The following CAMTA1 variants were observed in gnomAD, a reference collection of about 807,000 sequenced individuals.
CAMTA1 encodes the protein calmodulin binding transcription activator 1.
CAMTA1 carries 27 observed loss-of-function variants against 170.9 expected under a neutral mutation model. That is an observed-to-expected ratio of 0.16 (90% CI 0.12 to 0.22). The LOEUF (loss-of-function observed/expected upper bound fraction) is 0.22, where lower values mean the gene tolerates loss of function less well. CAMTA1 is among the 10% of genes least tolerant of loss of function. The probability of loss-of-function intolerance (pLI) is 1.00; values close to 1 mark genes in which losing one functional copy is unlikely to be tolerated. For synonymous variants in CAMTA1, 833 were observed against 891.5 expected (o/e 0.93, Z 1.17); for missense variants, 1,619 against 2,217.2 (o/e 0.73, Z 5.42).
intron 3 of CAMTA1, among the ~76,000 whole-genome samples, chr1:6,870,132 C>T (rs1392286587): frequency 6.6e-6 from 1 of 152,110 alleles, no homozygotes; most frequent in East Asian, 1.9e-4. Flanking sequence ...TTACACTACT[C>T]GCTTCTTGTT....
chr1:7,003,586 CT>C (rs1166839593), intron 3 of CAMTA1, among the ~76,000 whole-genome samples: 16 of 151,688 alleles, frequency 1.1e-4, no homozygotes, highest in Non-Finnish European at 2.4e-4. Flanking sequence ...AGCTCCTGGA[CT>C]TTATTATTAT....
chr1:7,283,763 T>G (rs900192167), intron 5 of CAMTA1, among the ~76,000 whole-genome samples: 9 of 152,134 alleles, frequency 5.9e-5, no homozygotes, highest in African/African-American at 2.2e-4. Flanking sequence ...AAATCCAACC[T>G]TTTCCTCTAT....
At chr1:6,888,495 G>T (rs1278166657) in intron 3 of CAMTA1, among the ~76,000 whole-genome samples, 1 of 152,154 alleles carries the variant, frequency 6.6e-6, no homozygotes, top group Non-Finnish European at 1.5e-5. Flanking sequence ...CTGTAATATC[G>T]ACATCTAGTG....
intron 5 of CAMTA1, among the ~76,000 whole-genome samples, chr1:7,264,859 C>T (rs1452218232): frequency 1.3e-5 from 2 of 152,148 alleles, no homozygotes; most frequent in Non-Finnish European, 2.9e-5. Flanking sequence ...TGACAGATCC[C>T]CTTAGGAGTA....
At chr1:7,749,819 AACCATTCC>A (rs2096883151) in intron 19 of CAMTA1, 3 of 456,020 alleles carry the variant, frequency 6.6e-6, no homozygotes, top group Non-Finnish European at 1.3e-5. Context: ...CCCTCTCACA[AACCATTCC>A]ACCAGAGTCA....
chr1:7,745,773 C>G, intron 17 of CAMTA1, 72 bp from the exon 18 acceptor site: 1 of 1,580,156 alleles, frequency 6.3e-7, no homozygotes, highest in Non-Finnish European at 8.7e-7. Context: ...CATCTTGGCT[C>G]ATTCATTAAT....
intron 9 of CAMTA1, among the ~76,000 whole-genome samples, chr1:7,668,166 C>T (rs1251899532): frequency 1.3e-5 from 2 of 152,302 alleles, no homozygotes; most frequent in East Asian, 1.9e-4. Context: ...TACAGGCAGG[C>T]TCGTCGGCCT....
intron 5 of CAMTA1, among the ~76,000 whole-genome samples, chr1:7,460,368 G>A (rs987106245): frequency 6.6e-6 from 1 of 152,192 alleles, no homozygotes; most frequent in Non-Finnish European, 1.5e-5. Context: ...TCTGCCCTTA[G>A]CAACAGGGCT....
chr1:7,757,841 G>C (rs933188898), intron 22 of CAMTA1, among the ~76,000 whole-genome samples: 1 of 151,968 alleles, frequency 6.6e-6, no homozygotes, highest in Non-Finnish European at 1.5e-5. Context: ...TTTGTTTTTT[G>C]GGGGAAAAAA....
intron 6 of CAMTA1, among the ~76,000 whole-genome samples, chr1:7,503,048 A>G (rs2094035375): frequency 6.6e-6 from 1 of 152,086 alleles, no homozygotes; most frequent in African/African-American, 2.4e-5. Context: ...TGGCACACAG[A>G]GTGGGGTCAG....
intron 6 of CAMTA1, among the ~76,000 whole-genome samples, chr1:7,604,508 G>C (rs373417662): frequency 0.13 from 20,418 of 152,090 alleles, 1,462 homozygotes; most frequent in African/African-American, 0.15. Flanking sequence ...ACATAGTTCT[G>C]AGGCCGTGGT....
chr1:6,865,688 C>T (rs752350869), intron 3 of CAMTA1, among the ~76,000 whole-genome samples: 2 of 152,162 alleles, frequency 1.3e-5, no homozygotes, highest in Non-Finnish European at 2.9e-5. Flanking sequence ...TAAGTAGTTA[C>T]ATTAATTATT....
At chr1:7,650,985 C>T (rs2095845234) in intron 7 of CAMTA1, among the ~76,000 whole-genome samples, 1 of 152,192 alleles carries the variant, frequency 6.6e-6, no homozygotes, top group Non-Finnish European at 1.5e-5. Flanking sequence ...ACACCGAGGA[C>T]TCCGAAGGGG....
chr1:7,279,447 C>G (rs1671196535), intron 5 of CAMTA1, among the ~76,000 whole-genome samples: 1 of 152,136 alleles, frequency 6.6e-6, no homozygotes, highest in Non-Finnish European at 1.5e-5. Flanking sequence ...GGTCTTGGAG[C>G]AGGGAAGCCA....
rs961677540 is a variant in CAMTA1 at position 7,532,944 on chromosome 1, GTGGGATTTCATC to G, written c.510+65047_510+65058del. ...TGCAGGTGGCGGCTTTTTGGGAAGGGTGGGATTTCATCTGGAACAAGAGATGGGAGGCCCAGG... is the reference window on the plus strand; with the variant it reads ...TGCAGGTGGCGGCTTTTTGGGAAGGGTGGAACAAGAGATGGGAGGCCCAGG... On this transcript the variant is annotated intron_variant, in intron 6 of 22. Coordinates refer to ENST00000303635, the MANE Select transcript of CAMTA1 (RefSeq NM_015215.4). This position sits in a 1 kb window ranked among gnomAD's most constrained non-coding sequence, Gnocchi z 4.2. Among the ~76,000 whole-genome samples the G allele has an allele frequency of 6.6e-6, 1 of 152,194 alleles. No homozygotes were observed. The highest frequency in any genetic ancestry group is 2.4e-5 in the African/African-American group (1 of 41,460).
At chr1:7,114,453 AC>A (rs199840611) in intron 4 of CAMTA1, among the ~76,000 whole-genome samples, 4,302 of 149,802 alleles carry the variant, frequency 0.029, 223 homozygotes, top group African/African-American at 0.097. Context: ...GCCAGAAAAA[AC>A]AAAAAAAAGA....
chr1:7,654,583 TAC>T (rs1194024275), intron 7 of CAMTA1, among the ~76,000 whole-genome samples: 1 of 88,062 alleles, frequency 1.1e-5, no homozygotes, highest in Admixed American at 1.1e-4. Flanking sequence ...CACCTATACA[TAC>T]ACACAGCTAT....
At chr1:7,372,416 G>A (rs1176901065) in intron 5 of CAMTA1, among the ~76,000 whole-genome samples, 1 of 152,206 alleles carries the variant, frequency 6.6e-6, no homozygotes, top group African/African-American at 2.4e-5. Context: ...CTAGCATGCA[G>A]TTTCTTTTTC....
chr1:7,400,883 A>G (rs983813942), intron 5 of CAMTA1, among the ~76,000 whole-genome samples: 17 of 152,128 alleles, frequency 1.1e-4, no homozygotes, highest in African/African-American at 3.9e-4. Context: ...GTATTTCAAG[A>G]GTTCTTTATA....
Sources: allele counts gnomAD v4.1 joint callset (sites outside exome capture counted in the v4.1 genomes callset), GRCh38; gene constraint gnomAD v4.1.1; non-coding constraint Gnocchi (gnomAD v3.1); transcripts MANE v1.5; gene names NCBI Gene and HGNC (gene_info 2026-07-23, HGNC 2026-07-21).